The following SENP3 variants were observed in gnomAD, a reference collection of about 807,000 sequenced individuals.
The protein encoded by SENP3 is SUMO specific peptidase 3.
Under a neutral mutation model 66.2 loss-of-function variants are expected in SENP3, and 11 were observed. That is an observed-to-expected ratio of 0.17 (90% CI 0.10 to 0.28). The LOEUF is 0.28. Ranked by LOEUF, SENP3 falls within the 10% of genes least tolerant of loss-of-function variation. The pLI is 1.00. For missense variants in SENP3, 548 were observed against 743.7 expected, an observed-to-expected ratio of 0.74 and a Z score of 3.06; for synonymous variants, 292 against 277.6, an observed-to-expected ratio of 1.05 and a Z score of -0.52.
Position 7,571,254 on chromosome 17 carries a change from G to T in SENP3, c.1615-119G>T, listed in dbSNP as rs1031173478. The T allele has an allele frequency of 8.2e-6, 6 of 734,764 alleles. No homozygotes were observed. In the African/African-American group the frequency reaches 8.8e-5, roughly 11 times the overall value. 45.5% of individuals were successfully genotyped at this position (734,764 alleles called of 1,614,324 possible). The stretch of plus-strand genomic sequence containing the variant: ...TCAGGCTGTTTTTGAACCCCAGGCT[G>T]TGGGACCCTGGCTCCCTTTGGGGAT... On this transcript the variant is annotated intron_variant, in intron 10 of 10. Coordinates refer to ENST00000321337, the MANE Select transcript of SENP3 (RefSeq NM_015670.6).
rs796154996 is a variant in SENP3 at position 7,562,923 on chromosome 17, G to T, written c.-11-143G>T. 1.3e-5 allele frequency: 16 copies of T among 1,265,836 alleles called. No individual in the cohort carries two copies. The African/African-American group carries it at 2.3e-4, about 18-fold the overall frequency. 78.4% of individuals were successfully genotyped at this position (1,265,836 alleles called of 1,614,324 possible). A position where few individuals can be genotyped will look rare whatever the true frequency, so the allele number is the denominator to read the frequency against. ...GCCCCTTGTGGACCGCGTTAACCGG[G>T]AAGATCTTAAGTTAGGAGTTTTGCG... On this transcript the variant is annotated intron_variant, in intron 1 of 10. Transcript: ENST00000321337. This position sits in a 1 kb window ranked among gnomAD's most constrained non-coding sequence, Gnocchi z 5.0.
chr17:7,563,595 G>A lies in SENP3; in HGVS notation c.519G>A (p.Gly173=), dbSNP rs1473674066. ...HPKNHLSPQQ[G]GATPQVPSPC... ...AGAACCATCTTTCACCCCAGCAAGG[G>A]GGTGCGACGCCACAGGTGCCATCCC... Residue 173 remains glycine, a synonymous_variant, in exon 2 of 11, where the codon GGG becomes GGA. Transcript: ENST00000321337. The A allele has an allele frequency of 6.4e-7, 1 of 1,573,510 alleles. No homozygotes were observed.
intron 7 of SENP3, among the ~76,000 whole-genome samples, chr17:7,569,229 C>T (rs1300484489): frequency 6.6e-6 from 1 of 151,602 alleles, no homozygotes; most frequent in Middle Eastern, 3.4e-3. Context: ...ACTAAAAATA[C>T]AAAAAATTAG....
rs2071258956 is a variant in SENP3 at position 7,565,298 on chromosome 17, G to A, written c.1068-142G>A. 11 of 983,468 alleles carry A rather than the reference G, an allele frequency of 1.1e-5. 1 individual carries two copies. Among genetic ancestry groups the A allele is most frequent in the Admixed American group, 2.3e-5 (1 of 43,662 alleles). 60.9% of individuals were successfully genotyped at this position (983,468 alleles called of 1,614,324 possible). ...TCATGTTTATCTTTCTGGGGAGTGG[G>A]CCTTTCGCAGGTCCTCAGAAGGACC... On this transcript the variant is annotated intron_variant, in intron 4 of 10. Coordinates refer to ENST00000321337, the MANE Select transcript of SENP3 (RefSeq NM_015670.6).
Position 7,570,242 on chromosome 17 carries a change from C to A in SENP3, c.1342-114C>A. ...CTTGCCCACAATCTAGGCCTTGGGT[C>A]TTCTGTTCTTTCACTTGGTTCCCTT... On this transcript the variant is annotated intron_variant, in intron 7 of 10. Transcript: ENST00000321337. This position sits in a 1 kb window ranked among gnomAD's most constrained non-coding sequence, Gnocchi z 5.4. 1 of 1,329,862 alleles carries A rather than the reference C, an allele frequency of 7.5e-7. No homozygotes were observed. The highest frequency in any genetic ancestry group is 1.4e-5 in the South Asian group (1 of 73,018). The allele number at this position is 1,329,862 out of a possible 1,614,324, so 82.4% of individuals were successfully genotyped here. A position where few individuals can be genotyped will look rare whatever the true frequency, so the allele number is the denominator to read the frequency against.
rs1779541648 is a variant in SENP3 at position 7,563,142 on chromosome 17, A to G, written c.66A>G (p.Pro22=). 2.6e-6 allele frequency: 4 copies of G among 1,541,676 alleles called. No individual in the cohort carries two copies. The highest frequency in any genetic ancestry group is 3.5e-6 in the Non-Finnish European group (4 of 1,145,574). ...GPEPPGPGIP[P]AYSSPRRERL... is the part of the protein sequence containing the mutation. ...AGCCTCCTGGACCCGGCATACCCCC[A>G]GCTTACTCAAGTCCCAGGCGGGAGC... The change falls in exon 2 of 11, where the codon CCA becomes CCG. Residue 22 remains proline (P), a synonymous_variant. Transcript: ENST00000321337.
chr17:7,565,146 C>T (rs998020770), intron 4 of SENP3, 76 bp downstream of exon 4: 1 of 1,138,676 alleles, frequency 8.8e-7, no homozygotes, highest in East Asian at 2.5e-5. Context: ...GCCTTTTCTT[C>T]CATAGGGCTG....
At chr17:7,567,489 A>G (rs911575035) in intron 7 of SENP3, among the ~76,000 whole-genome samples, 6 of 151,778 alleles carry the variant, frequency 4.0e-5, no homozygotes, top group Non-Finnish European at 8.8e-5. Context: ...ATTGCACTCC[A>G]GCCTGGGCAA....
chr17:7,565,154 C>A lies in SENP3; in HGVS notation c.1067+84C>A, dbSNP rs539951192. The A allele has an allele frequency of 1.9e-5, 21 of 1,091,806 alleles. No homozygotes were observed. In the African/African-American group the frequency reaches 2.7e-4, roughly 14 times the overall value. 67.6% of individuals were successfully genotyped at this position (1,091,806 alleles called of 1,614,324 possible). On this transcript the variant is annotated intron_variant, in intron 4 of 10. Transcript: ENST00000321337. Reference sequence around the variant, plus strand: ...TACTGCTGCCTTTTCTTCCATAGGGCTGTAGTTGGGGAGGAGGAAGCTAGA... The same window carrying A: ...TACTGCTGCCTTTTCTTCCATAGGGATGTAGTTGGGGAGGAGGAAGCTAGA...
Position 7,571,428 on chromosome 17 carries a change from C to CG in SENP3, c.1670_1671insG (p.Lys558GlnfsTer28). 1 of 1,608,386 alleles carries CG rather than the reference C, an allele frequency of 6.2e-7. No homozygotes were observed. Among genetic ancestry groups the CG allele is most frequent in the South Asian group, 1.1e-5 (1 of 90,256 alleles). Reference sequence around the variant, plus strand: ...TTCAGCTTCACCCAGCAGGACATGCCCAAACTTCGTCGGCAGATCTACAAG... The same window carrying CG: ...TTCAGCTTCACCCAGCAGGACATGCCGCAAACTTCGTCGGCAGATCTACAAG... On this transcript the variant is annotated frameshift_variant, in exon 11 of 11. Transcript: ENST00000321337. LOFTEE classifies it high-confidence loss of function.
rs781373129 is a variant in SENP3 at position 7,563,757 on chromosome 17, G to A, written c.681G>A (p.Arg227=). 1.3e-5 allele frequency: 21 copies of A among 1,612,164 alleles called. No individual in the cohort carries two copies. The highest frequency in any genetic ancestry group is 6.7e-5 in the Admixed American group (4 of 59,970). ...SGPPMEEDGL[R]WTPKSPLDPD... is the part of the protein sequence containing the mutation. ...CCCCCATGGAGGAAGATGGACTCAG[G>A]TGGACTCCAAAGTCTCCTCTGGACC... Residue 227 remains arginine (R), a synonymous_variant, in exon 2 of 11, where the codon AGG becomes AGA. Coordinates refer to ENST00000321337, the MANE Select transcript of SENP3 (RefSeq NM_015670.6).
intron 7 of SENP3, among the ~76,000 whole-genome samples, chr17:7,568,232 T>C (rs1302787473): frequency 2.0e-5 from 3 of 151,424 alleles, no homozygotes; most frequent in Admixed American, 1.3e-4. Flanking sequence ...GGGAGGGGAA[T>C]GGGGCCAAAG....
intron 2 of SENP3, 33 bp downstream of exon 2, chr17:7,563,824 G>GA: frequency 8.1e-7 from 1 of 1,231,612 alleles, no homozygotes; most frequent in Non-Finnish European, 1.1e-6. Context: ...GGTTGCGGGG[G>GA]AGGGGTTAGG....
At chr17:7,566,306 C>T (rs1284300506) in intron 6 of SENP3, among the ~76,000 whole-genome samples, 3 of 145,544 alleles carry the variant, frequency 2.1e-5, no homozygotes, top group African/African-American at 7.7e-5. Flanking sequence ...CACGCCATTG[C>T]ACTCCCGCCT....
Position 7,563,408 on chromosome 17 carries a change from C to T in SENP3, c.332C>T (p.Pro111Leu). ...RWSQLGTSQR[P>L]RPSRPTHRKT... ...AGTCAGCTGGGAACCTCCCAGCGGC[C>T]CCGCCCTTCCCGCCCCACTCATCGA... The change falls in exon 2 of 11, where the codon CCC becomes CTC. Residue 111 changes from proline to leucine, a missense_variant. Physicochemically the swap from Pro to Leu is moderately conservative, Grantham distance 98. Around this residue, in one of 6 missense-constraint regions of SENP3, gnomAD observed 164 missense variants for 167.9 expected, o/e 0.98. Transcript: ENST00000321337. 1 of 669,592 alleles carries T rather than the reference C, an allele frequency of 1.5e-6. No homozygotes were observed. Among genetic ancestry groups the T allele is most frequent in the Non-Finnish European group, 2.5e-6 (1 of 403,882 alleles). 41.5% of individuals were successfully genotyped at this position (669,592 alleles called of 1,614,324 possible). A position where few individuals can be genotyped will look rare whatever the true frequency, so the allele number is the denominator to read the frequency against.
At position 7,564,618 on chromosome 17, in the gene SENP3, C is replaced by A; in HGVS notation, c.716-7C>A. The A allele has an allele frequency of 1.2e-6, 2 of 1,613,918 alleles. No individual in the cohort carries two copies. Among genetic ancestry groups the A allele is most frequent in the Non-Finnish European group, 1.7e-6 (2 of 1,179,852 alleles). ...CTCATGCCCATTCCATTTCCCCTGC[C>A]CTATAGGCCTCCTTTCATGTACTCT... On this transcript the variant is annotated splice_region_variant and splice_polypyrimidine_tract_variant and intron_variant, in intron 2 of 10. Coordinates refer to ENST00000321337, the MANE Select transcript of SENP3 (RefSeq NM_015670.6).
chr17:7,570,801 G>A lies in SENP3; in HGVS notation c.1563+37G>A, dbSNP rs1002029068. 6.2e-7 allele frequency: 1 copy of A among 1,603,930 alleles called. No individual in the cohort carries two copies. The highest frequency in any genetic ancestry group is 8.5e-7 in the Non-Finnish European group (1 of 1,174,220). On this transcript the variant is annotated intron_variant, in intron 9 of 10. Coordinates refer to ENST00000321337, the MANE Select transcript of SENP3 (RefSeq NM_015670.6). This position sits in a 1 kb window ranked among gnomAD's most constrained non-coding sequence, Gnocchi z 5.4. ...GAGGGAGGGGTATAGGGTGTTGGTG[G>A]GGACAGTGGTAGAAGGCAGAAATTG...
chr17:7,564,600 C>T, intron 2 of SENP3, 25 bp from the exon 3 acceptor site: 1 of 1,613,256 alleles, frequency 6.2e-7, no homozygotes, highest in Non-Finnish European at 8.5e-7. Flanking sequence ...TCTCTCATGC[C>T]CATTCCATTT....
At position 7,571,877 on chromosome 17, in the gene SENP3, AT is replaced by A. The variant is rs1567731411; in HGVS notation, c.*395del. 47 of 11,552 alleles carry A rather than the reference AT, an allele frequency of 4.1e-3. 5 individuals carry two copies. Among genetic ancestry groups the A allele is most frequent in the Admixed American group, 0.014 (18 of 1,248 alleles). 0.7% of individuals were successfully genotyped at this position (11,552 alleles called of 1,614,324 possible). ...TATATATATATATATATATATATAT[AT>A]ATATATATATATATATATATATATA... On this transcript the variant is annotated 3_prime_UTR_variant, in exon 11 of 11. Transcript: ENST00000321337.
Sources: allele counts gnomAD v4.1 joint callset (sites outside exome capture counted in the v4.1 genomes callset), GRCh38; gene constraint gnomAD v4.1.1; regional missense constraint gnomAD v4.1.1; non-coding constraint Gnocchi (gnomAD v3.1); transcripts MANE v1.5; gene names NCBI Gene and HGNC (gene_info 2026-07-23, HGNC 2026-07-21).